RBFOX1: variants seen among roughly 807,000 people sequenced by gnomAD.
The protein encoded by RBFOX1 is RNA binding protein fox-1 homolog 1.
Under a neutral mutation model 57.7 loss-of-function variants are expected in RBFOX1, and 8 were observed. The observed-to-expected ratio is 0.14, with a 90% CI of 0.08 to 0.25. The LOEUF (loss-of-function observed/expected upper bound fraction) is 0.25, where lower values mean the gene tolerates loss of function less well. Ranked by LOEUF, RBFOX1 falls within the 10% of genes least tolerant of loss-of-function variation. The pLI is 1.00. For missense variants in RBFOX1, 611 were observed against 548.5 expected, an observed-to-expected ratio of 1.11 and a Z score of -1.14; for synonymous variants, 326 against 222.4, an observed-to-expected ratio of 1.47 and a Z score of -4.15.
At chr16:5,991,326 C>G (rs1030611477) in intron 4 of RBFOX1, among the ~76,000 whole-genome samples, 1 of 152,182 alleles carries the variant, frequency 6.6e-6, no homozygotes, top group Non-Finnish European at 1.5e-5. Flanking sequence ...TGCACCCCTT[C>G]CCTTCCTTTC....
At chr16:5,965,421 G>A (rs560682484) in intron 4 of RBFOX1, among the ~76,000 whole-genome samples, 3 of 152,134 alleles carry the variant, frequency 2.0e-5, no homozygotes, top group South Asian at 4.2e-4. Flanking sequence ...AAATATATAC[G>A]ATTTTTATTT....
chr16:5,461,546 C>T (rs142151455), intron 1 of RBFOX1, among the ~76,000 whole-genome samples: 53 of 152,332 alleles, frequency 3.5e-4, no homozygotes, highest in African/African-American at 1.3e-3. Flanking sequence ...CCTTTAAAGC[C>T]TATTGGGACA....
In RBFOX1 at chr16:6,627,496, C is replaced by G. The variant is rs932816591; in HGVS notation, c.-63-27107C>G. ...TGAGGAAGAATATTGGAAACTTGCT[C>G]CCTGAAACAGTCATAACACAGTGGA... On this transcript the variant is annotated intron_variant, in intron 2 of 15. Transcript: ENST00000550418. 2.0e-5 allele frequency among the ~76,000 whole-genome samples: 3 copies of G among 152,118 alleles called. No individual in the cohort carries two copies. In the South Asian group the frequency reaches 6.2e-4, roughly 31 times the overall value.
chr16:5,920,913 T>A (rs1300748698), intron 4 of RBFOX1, among the ~76,000 whole-genome samples: 1 of 152,002 alleles, frequency 6.6e-6, no homozygotes, highest in East Asian at 1.9e-4. Context: ...TATTTGTACG[T>A]GCAGTGGTGG....
At chr16:5,788,124 A>T (rs1037287086) in intron 3 of RBFOX1, among the ~76,000 whole-genome samples, 1 of 152,104 alleles carries the variant, frequency 6.6e-6, no homozygotes, top group African/African-American at 2.4e-5. Flanking sequence ...ACTGCTGAAA[A>T]CATCATACCT....
intron 1 of RBFOX1, among the ~76,000 whole-genome samples, chr16:6,035,879 T>C (rs779563363): frequency 2.6e-5 from 4 of 152,240 alleles, no homozygotes; most frequent in Non-Finnish European, 5.9e-5. Context: ...TTTCAGTTAC[T>C]CTGAGAAAAG....
chr16:6,500,892 T>C (rs77073671), intron 2 of RBFOX1, among the ~76,000 whole-genome samples: 1 of 25,756 alleles, frequency 3.9e-5, no homozygotes, highest in Non-Finnish European at 1.6e-4. Context: ...TTTTTTTTTT[T>C]TTTTTTTTTA....
At chr16:6,156,251 C>T (rs2096837585) in intron 1 of RBFOX1, among the ~76,000 whole-genome samples, 1 of 152,202 alleles carries the variant, frequency 6.6e-6, no homozygotes. Flanking sequence ...TGTCCGTCAC[C>T]TTCCTCACAG....
intron 3 of RBFOX1, among the ~76,000 whole-genome samples, chr16:7,003,198 C>T (rs11864226): frequency 0.056 from 8,577 of 152,108 alleles, 286 homozygotes; most frequent in Non-Finnish European, 0.062. Flanking sequence ...CGGTGGCTCA[C>T]GCCTGTAATC....
At chr16:5,826,352 G>T (rs1051894525) in intron 3 of RBFOX1, among the ~76,000 whole-genome samples, 10 of 152,258 alleles carry the variant, frequency 6.6e-5, no homozygotes, top group African/African-American at 2.4e-4. Flanking sequence ...TTTGTCCCCA[G>T]TAGATGTCCA....
At chr16:7,475,345 C>A (rs533463142) in intron 4 of RBFOX1, among the ~76,000 whole-genome samples, 3 of 146,622 alleles carry the variant, frequency 2.0e-5, no homozygotes, top group Admixed American at 6.9e-5. Context: ...GATGGAGTCT[C>A]GCTCTGTCAC....
At position 6,398,925 on chromosome 16, in the gene RBFOX1, C is replaced by T. The variant is rs974330870; in HGVS notation, c.-64+81868C>T. ...GCCCCACATTTCCCTTCTGCACTGT[C>T]CTAGCAGAGGTTCTCCATGAGGATT... On this transcript the variant is annotated intron_variant, in intron 2 of 15. Transcript: ENST00000550418. Among the ~76,000 whole-genome samples the T allele has an allele frequency of 3.9e-5, 6 of 152,346 alleles. No individual in the cohort carries two copies. The East Asian group carries it at 9.7e-4, about 25-fold the overall frequency.
In RBFOX1 at chr16:7,232,696, C is replaced by A. The variant is rs909866330; in HGVS notation, c.27+180598C>A. Among the ~76,000 whole-genome samples the A allele has an allele frequency of 9.2e-5, 14 of 151,966 alleles. 1 individual carries two copies. The East Asian group carries it at 2.7e-3, about 30-fold the overall frequency. ...GTCTCTACTAAAAATGCAAAATTAGCTGGGTGTGGTGGTGCATGCCTGTAG... is the reference window on the plus strand; with the variant it reads ...GTCTCTACTAAAAATGCAAAATTAGATGGGTGTGGTGGTGCATGCCTGTAG... On this transcript the variant is annotated intron_variant, in intron 4 of 15. Transcript: ENST00000550418.
At position 6,097,708 on chromosome 16, in the gene RBFOX1, T is replaced by C. The variant is rs1345362526; in HGVS notation, c.-127+77716T>C. ...CTAGGGCTTGTGAATCTGGAGCCCA[T>C]AGACTCAACTCCTGTGCTATACTGC... is the stretch of plus-strand genomic sequence containing the variant. On this transcript the variant is annotated intron_variant, in intron 1 of 15. Transcript: ENST00000550418. The surrounding 1 kb of genome is among the most constrained non-coding windows in gnomAD (Gnocchi z 5.0). 1.3e-5 allele frequency among the ~76,000 whole-genome samples: 2 copies of C among 152,018 alleles called. No homozygotes were observed. The highest frequency in any genetic ancestry group is 2.9e-5 in the Non-Finnish European group (2 of 67,996).
chr16:7,510,420 C>T, intron 4 of RBFOX1: 2 of 864,658 alleles, frequency 2.3e-6, no homozygotes, highest in Non-Finnish European at 2.8e-6. Context: ...ACGTAGCTTG[C>T]TGCTTGAATC....
intron 4 of RBFOX1, among the ~76,000 whole-genome samples, chr16:7,473,169 A>C (rs2061908542): frequency 6.6e-6 from 1 of 152,082 alleles, no homozygotes; most frequent in Admixed American, 6.6e-5. Context: ...CTTTAAGCCC[A>C]GGAGTTTGAG....
At chr16:5,427,874 G>C (rs2067610480) in intron 1 of RBFOX1, among the ~76,000 whole-genome samples, 1 of 152,190 alleles carries the variant, frequency 6.6e-6, no homozygotes, top group Non-Finnish European at 1.5e-5. Context: ...CCAGAATACT[G>C]TGTGACCATC....
chr16:6,411,561 T>C (rs1164503417), intron 2 of RBFOX1, among the ~76,000 whole-genome samples: 1 of 152,158 alleles, frequency 6.6e-6, no homozygotes, highest in Non-Finnish European at 1.5e-5. Context: ...TCTATGGCCA[T>C]GGACATTATG....
At chr16:7,173,164 A>G (rs2081035042) in intron 4 of RBFOX1, among the ~76,000 whole-genome samples, 1 of 152,196 alleles carries the variant, frequency 6.6e-6, no homozygotes, top group Non-Finnish European at 1.5e-5. Context: ...GACTTATAAC[A>G]AAAATCATAC....
Sources: allele counts gnomAD v4.1 joint callset (sites outside exome capture counted in the v4.1 genomes callset), GRCh38; gene constraint gnomAD v4.1.1; non-coding constraint Gnocchi (gnomAD v3.1); transcripts MANE v1.5; gene names NCBI Gene and HGNC (gene_info 2026-07-23, HGNC 2026-07-21).